The following MSI2 variants were observed in gnomAD, a reference collection of about 807,000 sequenced individuals.
MSI2 encodes the protein musashi RNA binding protein 2.
In MSI2, 17 loss-of-function variants were observed where a neutral mutation model predicts 45.6. The observed-to-expected ratio is 0.37, with a 90% CI of 0.26 to 0.56. The LOEUF is 0.56. Ranked by LOEUF, MSI2 falls within the 20% of genes least tolerant of loss-of-function variation. The pLI, the probability that MSI2 is intolerant of heterozygous loss-of-function variation, is 0.77. For missense variants in MSI2, 293 were observed against 444.2 expected, an observed-to-expected ratio of 0.66 and a Z score of 3.06; for synonymous variants, 156 against 158.2, an observed-to-expected ratio of 0.99 and a Z score of 0.11.
At chr17:57,415,169 G>C (rs1325263016) in intron 6 of MSI2, among the ~76,000 whole-genome samples, 1 of 152,112 alleles carries the variant, frequency 6.6e-6, no homozygotes, top group Non-Finnish European at 1.5e-5. Flanking sequence ...GATGGGCATC[G>C]GGCAGTTTCT....
chr17:57,597,443 A>G (rs1905355556), intron 8 of MSI2, among the ~76,000 whole-genome samples: 1 of 148,064 alleles, frequency 6.8e-6, no homozygotes, highest in South Asian at 2.2e-4. Context: ...CGAGCCTGGG[A>G]AACATAGCCA....
chr17:57,300,649 C>T (rs573935141), intron 5 of MSI2, among the ~76,000 whole-genome samples: 94 of 152,176 alleles, frequency 6.2e-4, no homozygotes, highest in Admixed American at 2.2e-3. Flanking sequence ...ACCCGAGACT[C>T]GGTAAGTTAT....
intron 7 of MSI2, among the ~76,000 whole-genome samples, chr17:57,595,414 A>G (rs191388616): frequency 4.6e-5 from 7 of 152,116 alleles, no homozygotes; most frequent in African/African-American, 1.7e-4. Context: ...AGAGTGTCTT[A>G]GCTGGGGCGG....
intron 5 of MSI2, among the ~76,000 whole-genome samples, chr17:57,340,832 G>A (rs1043997922): frequency 3.3e-5 from 5 of 152,228 alleles, no homozygotes; most frequent in East Asian, 1.9e-4. Context: ...TCTTATCAGC[G>A]CATCTGAGCC....
At chr17:57,572,991 G>A (rs529767611) in intron 7 of MSI2, among the ~76,000 whole-genome samples, 15 of 152,310 alleles carry the variant, frequency 9.8e-5, no homozygotes, top group African/African-American at 3.4e-4. Flanking sequence ...CGACAACTCC[G>A]TCTGAGGATC....
intron 6 of MSI2, among the ~76,000 whole-genome samples, chr17:57,420,212 A>AC (rs1358231946): frequency 1.3e-5 from 2 of 152,080 alleles, no homozygotes; most frequent in African/African-American, 4.8e-5. Flanking sequence ...CTCACAGGCC[A>AC]CCCTCCAGCA....
At chr17:57,346,390 C>T (rs997849045) in intron 5 of MSI2, among the ~76,000 whole-genome samples, 2 of 151,342 alleles carry the variant, frequency 1.3e-5, no homozygotes, top group African/African-American at 4.9e-5. Context: ...AGATGTAAAC[C>T]CATGGAATTC....
chr17:57,683,683 T>TC lies in MSI2; in HGVS notation c.*4166_*4167insC. On this transcript the variant is annotated 3_prime_UTR_variant, in exon 14 of 14. Transcript: ENST00000284073. This position sits in a 1 kb window ranked among gnomAD's most constrained non-coding sequence, Gnocchi z 5.2. ...CTGGTGGGGGAGGGGAGATTTTTTT[T>TC]TTTTTTTCTTGAATGTGCTTCGCAA... 4.3e-6 allele frequency: 1 copy of TC among 230,226 alleles called. No individual in the cohort carries two copies. Among genetic ancestry groups the TC allele is most frequent in the East Asian group, 6.1e-5 (1 of 16,300 alleles). 14.3% of individuals were successfully genotyped at this position (230,226 alleles called of 1,614,324 possible).
intron 7 of MSI2, among the ~76,000 whole-genome samples, chr17:57,556,911 A>ATT (rs2087448541): frequency 6.6e-6 from 1 of 152,182 alleles, no homozygotes; most frequent in East Asian, 1.9e-4. Context: ...GTCTGGCCTT[A>ATT]TTTGGTGTTT....
At chr17:57,690,783 T>C in the MSI2 span, among the ~76,000 whole-genome samples, 1 of 152,250 alleles carries the variant, frequency 6.6e-6, no homozygotes, top group Non-Finnish European at 1.5e-5. Context: ...TTCTTAATTT[T>C]TATGAAATCC....
At chr17:57,520,876 G>C (rs928887465) in intron 6 of MSI2, among the ~76,000 whole-genome samples, 4 of 151,866 alleles carry the variant, frequency 2.6e-5, no homozygotes, top group African/African-American at 9.7e-5. Flanking sequence ...TGTTAGCCAG[G>C]CTGGTCTTGA....
intron 7 of MSI2, among the ~76,000 whole-genome samples, chr17:57,539,101 CT>C (rs34135370): frequency 6.6e-6 from 1 of 152,004 alleles, no homozygotes; most frequent in African/African-American, 2.4e-5. Flanking sequence ...GTGTTTGCTC[CT>C]TTTTTATGGG....
chr17:57,349,264 C>T (rs1379531587), intron 5 of MSI2, among the ~76,000 whole-genome samples: 1 of 152,146 alleles, frequency 6.6e-6, no homozygotes, highest in African/African-American at 2.4e-5. Context: ...CCTGACCCAG[C>T]AGCCCGGGGA....
At chr17:57,466,456 C>T (rs1020753598) in intron 6 of MSI2, among the ~76,000 whole-genome samples, 3 of 152,312 alleles carry the variant, frequency 2.0e-5, no homozygotes, top group East Asian at 3.9e-4. Flanking sequence ...CAAACAGACA[C>T]GGGCTTTTAA....
rs958722319 is a variant in MSI2 at position 57,416,046 on chromosome 17, T to C, written c.405+14575T>C. On this transcript the variant is annotated intron_variant, in intron 6 of 13. Transcript: ENST00000284073. ...GCATGCAGGGGAAGCAAATGTGATCTCACTGGATTCTCTCAAGGGAGGAAT... is the reference window on the plus strand; with the variant it reads ...GCATGCAGGGGAAGCAAATGTGATCCCACTGGATTCTCTCAAGGGAGGAAT... Among the ~76,000 whole-genome samples, 13 of 152,228 alleles carry C rather than the reference T, an allele frequency of 8.5e-5. No individual in the cohort carries two copies. The East Asian group carries it at 2.3e-3, about 27-fold the overall frequency.
intron 5 of MSI2, among the ~76,000 whole-genome samples, chr17:57,358,201 G>C (rs1916574256): frequency 1.1e-4 from 1 of 9,200 alleles, no homozygotes; most frequent in South Asian, 4.9e-3. Context: ...GTGTGTGTGG[G>C]GGGGTGTGTG....
At chr17:57,429,401 A>G (rs1482513462) in intron 6 of MSI2, among the ~76,000 whole-genome samples, 1 of 152,146 alleles carries the variant, frequency 6.6e-6, no homozygotes, top group Non-Finnish European at 1.5e-5. Flanking sequence ...GCAAAGGGTG[A>G]TGTTTGTAAT....
At chr17:57,329,228 GT>G (rs1473613109) in intron 5 of MSI2, among the ~76,000 whole-genome samples, 6 of 152,172 alleles carry the variant, frequency 3.9e-5, no homozygotes, top group Non-Finnish European at 7.3e-5. Context: ...TCTACATTTT[GT>G]AGAAATAGGA....
chr17:57,648,600 C>A (rs1910879898), intron 10 of MSI2, among the ~76,000 whole-genome samples: 1 of 152,160 alleles, frequency 6.6e-6, no homozygotes, highest in East Asian at 1.9e-4. Flanking sequence ...GACCCCCCCA[C>A]CACATTTCCA....
Sources: allele counts gnomAD v4.1 joint callset (sites outside exome capture counted in the v4.1 genomes callset), GRCh38; gene constraint gnomAD v4.1.1; non-coding constraint Gnocchi (gnomAD v3.1); transcripts MANE v1.5; gene names NCBI Gene and HGNC (gene_info 2026-07-23, HGNC 2026-07-21).